The following EGFR variants were observed in gnomAD, a reference collection of about 807,000 sequenced individuals.
The protein encoded by EGFR is avian erythroblastic leukemia viral (v-erb-b) oncogene homolog.
Under a neutral mutation model 143.0 loss-of-function variants are expected in EGFR, and 58 were observed. The ratio of observed to expected loss-of-function variants is 0.41; its 90% CI spans 0.33 to 0.50. EGFR has a LOEUF of 0.50. Among genes scored for constraint, EGFR ranks in the 20% least tolerant of loss-of-function variants. EGFR has a pLI of 0.39. For synonymous variants in EGFR, 613 were observed against 594.4 expected, an observed-to-expected ratio of 1.03 and a Z score of -0.45; for missense variants, 1,307 against 1,579.0, an observed-to-expected ratio of 0.83 and a Z score of 2.92.
chr7:55,083,739 A>C (rs1790602245), intron 1 of EGFR, among the ~76,000 whole-genome samples: 1 of 152,262 alleles, frequency 6.6e-6, no homozygotes, highest in Non-Finnish European at 1.5e-5. Flanking sequence ...AAATATGTGA[A>C]CTAATATAAT....
intron 1 of EGFR, among the ~76,000 whole-genome samples, chr7:55,074,642 T>G (rs542510153): frequency 6.6e-6 from 1 of 152,216 alleles, no homozygotes; most frequent in Non-Finnish European, 1.5e-5. Context: ...ACGACATGAT[T>G]AAAGAATATC....
chr7:55,174,750 T>C lies in EGFR; in HGVS notation c.2213T>C (p.Val738Ala), dbSNP rs1488735128. Residue 738 changes from valine to alanine, a missense_variant, in exon 19 of 28, where the codon GTT becomes GCT. Val to Ala is a moderately conservative substitution (Grantham distance 64, BLOSUM62 0). Around this residue, in one of 7 missense-constraint regions of EGFR, gnomAD observed 348 missense variants for 451.5 expected, o/e 0.77. Coordinates refer to ENST00000275493, the MANE Select transcript of EGFR (RefSeq NM_005228.5). ...KGLWIPEGEK[V>A]KIPVAIKELR... ...CTCTGGATCCCAGAAGGTGAGAAAGTTAAAATTCCCGTCGCTATCAAGGAA... is the reference window on the plus strand; with the variant it reads ...CTCTGGATCCCAGAAGGTGAGAAAGCTAAAATTCCCGTCGCTATCAAGGAA... The C allele has an allele frequency of 6.2e-7, 1 of 1,614,040 alleles. No individual in the cohort carries two copies. Among genetic ancestry groups the C allele is most frequent in the Admixed American group, 1.7e-5 (1 of 60,014 alleles).
chr7:55,083,911 G>T (rs756135190), intron 1 of EGFR, among the ~76,000 whole-genome samples: 5 of 152,182 alleles, frequency 3.3e-5, no homozygotes, highest in Non-Finnish European at 5.9e-5. Flanking sequence ...TCAAGAGGAA[G>T]GGATTAGAAC....
chr7:55,062,228 A>C (rs933383210), intron 1 of EGFR, among the ~76,000 whole-genome samples: 1 of 152,232 alleles, frequency 6.6e-6, no homozygotes, highest in African/African-American at 2.4e-5. Flanking sequence ...CTAGAGAAGG[A>C]AACTTCATTT....
At chr7:55,066,196 C>T (rs1789490279) in intron 1 of EGFR, among the ~76,000 whole-genome samples, 1 of 152,108 alleles carries the variant, frequency 6.6e-6, no homozygotes, top group South Asian at 2.1e-4. Flanking sequence ...GGTGTTCTGG[C>T]AGTTGACATT....
rs1337590341 is a variant in EGFR, at chr7:55,205,421, G to A, written c.3437G>A (p.Cys1146Tyr). 3.1e-6 allele frequency: 5 copies of A among 1,614,008 alleles called. No individual in the cohort carries two copies. The highest frequency in any genetic ancestry group is 2.2e-5 in the East Asian group (1 of 44,886). ...PEYLNTVQPTCVNSTFDSPAH... is the reference protein window; with the variant it reads ...PEYLNTVQPTYVNSTFDSPAH... ...TATCTCAACACTGTCCAGCCCACCT[G>A]TGTCAACAGCACATTCGACAGCCCT... The change falls in exon 28 of 28, where the codon TGT (cysteine) becomes TAT (tyrosine). Residue 1146 changes from cysteine to tyrosine, a missense_variant. Physicochemically the swap from Cys to Tyr is radical, Grantham distance 194. Coordinates refer to ENST00000275493, the MANE Select transcript of EGFR (RefSeq NM_005228.5).
At chr7:55,148,121 T>C (rs1434926253) in intron 4 of EGFR, among the ~76,000 whole-genome samples, 1 of 152,220 alleles carries the variant, frequency 6.6e-6, no homozygotes, top group Non-Finnish European at 1.5e-5. Context: ...TTTATAGACA[T>C]ATTATTCCAC....
At chr7:55,157,419 A>G (rs1198646168) in intron 10 of EGFR, among the ~76,000 whole-genome samples, 3 of 145,718 alleles carry the variant, frequency 2.1e-5, no homozygotes, top group Admixed American at 6.6e-5. Context: ...GGCCACAGCC[A>G]GGGGGGCGGC....
intron 1 of EGFR, among the ~76,000 whole-genome samples, chr7:55,120,050 T>A (rs189784752): frequency 7.9e-4 from 121 of 152,346 alleles, no homozygotes; most frequent in African/African-American, 2.7e-3. Context: ...CAGATACAAG[T>A]GAAAACCTTC....
chr7:55,046,997 G>A (rs906449865), intron 1 of EGFR, among the ~76,000 whole-genome samples: 5 of 152,134 alleles, frequency 3.3e-5, no homozygotes, highest in Admixed American at 6.5e-5. Context: ...ATCACAAAAT[G>A]TATGCCTTAG....
chr7:55,091,305 T>C (rs1216891411), intron 1 of EGFR, among the ~76,000 whole-genome samples: 2 of 152,272 alleles, frequency 1.3e-5, no homozygotes, highest in East Asian at 3.8e-4. Context: ...TCATCTGTAA[T>C]TATCTACTAT....
intron 1 of EGFR, among the ~76,000 whole-genome samples, chr7:55,036,260 T>TTGTGTG (rs1333871168): frequency 4.0e-5 from 2 of 50,194 alleles, no homozygotes; most frequent in African/African-American, 1.8e-4. Context: ...GTGGTCAAGT[T>TTGTGTG]TGTGTGTGTG....
intron 3 of EGFR, 66 bp from the exon 4 acceptor site, chr7:55,146,540 A>G (rs1399772940): frequency 1.9e-6 from 3 of 1,609,512 alleles, no homozygotes; most frequent in East Asian, 2.2e-5. Context: ...CGAAGAGCAC[A>G]TGCATCCTTC....
At chr7:55,022,563 T>C (rs536496347) in intron 1 of EGFR, among the ~76,000 whole-genome samples, 1 of 152,280 alleles carries the variant, frequency 6.6e-6, no homozygotes, top group South Asian at 2.1e-4. Context: ...AGTGAATATT[T>C]ACTGAGTGCA....
At chr7:55,132,918 G>A (rs1370363093) in intron 1 of EGFR, among the ~76,000 whole-genome samples, 1 of 152,164 alleles carries the variant, frequency 6.6e-6, no homozygotes, top group African/African-American at 2.4e-5. Context: ...AGTGAGCCTG[G>A]CCAAAGGGTC....
chr7:55,156,003 C>G (rs1785400296), intron 8 of EGFR, 57 bp downstream of exon 8: 8 of 1,166,902 alleles, frequency 6.9e-6, no homozygotes, highest in Non-Finnish European at 1.0e-5. Context: ...AGGCTGGGCT[C>G]TCATGCCACC....
At chr7:55,110,961 G>A (rs1416585942) in intron 1 of EGFR, among the ~76,000 whole-genome samples, 1 of 152,240 alleles carries the variant, frequency 6.6e-6, no homozygotes, top group Admixed American at 6.5e-5. Flanking sequence ...AGCGAATGGA[G>A]TTTTGGGGGT....
intron 19 of EGFR, among the ~76,000 whole-genome samples, chr7:55,178,127 A>G (rs570228613): frequency 1.4e-3 from 207 of 152,308 alleles, no homozygotes; most frequent in Middle Eastern, 6.8e-3. Context: ...GGGCTGCTCA[A>G]ACTGCTCTGG....
At chr7:55,184,850 A>C (rs2128960754) in intron 20 of EGFR, among the ~76,000 whole-genome samples, 1 of 152,346 alleles carries the variant, frequency 6.6e-6, no homozygotes, top group East Asian at 1.9e-4. Context: ...AATTGTGACA[A>C]TAGAAATTTG....
Sources: allele counts gnomAD v4.1 joint callset (sites outside exome capture counted in the v4.1 genomes callset), GRCh38; gene constraint gnomAD v4.1.1; regional missense constraint gnomAD v4.1.1; transcripts MANE v1.5; gene names NCBI Gene and HGNC (gene_info 2026-07-23, HGNC 2026-07-21).